The following GPR55 variants were observed in gnomAD, a reference collection of about 807,000 sequenced individuals.
GPR55 encodes G-protein coupled receptor 55.
A neutral mutation model predicts 7.9 loss-of-function variants in GPR55; 6 were observed. The observed-to-expected ratio is 0.76, with a 90% CI of 0.41 to 1.49. The LOEUF is 1.49. Among genes scored for constraint, GPR55 ranks in the 40% most tolerant of loss-of-function variants. The pLI, the probability that GPR55 is intolerant of heterozygous loss-of-function variation, is 0.01. For missense variants in GPR55, 376 were observed against 406.0 expected (o/e 0.93, Z 0.63); for synonymous variants, 183 against 166.8 (o/e 1.10, Z -0.75).
chr2:230,942,588 A>G (rs1173549059), intron 1 of GPR55, among the ~76,000 whole-genome samples: 7 of 151,030 alleles, frequency 4.6e-5, no homozygotes, highest in African/African-American at 9.7e-5. Flanking sequence ...AGGGAGGTCA[A>G]TGGCACAGGA....
In GPR55 at chr2:230,911,058, C is replaced by G; in HGVS notation, c.-96G>C. Reference sequence around the variant, plus strand: ...CTTTGTCAAGAATCACAAACACCTCCCCAGCATCACACAGCAATTCATGCC... The same window carrying G: ...CTTTGTCAAGAATCACAAACACCTCGCCAGCATCACACAGCAATTCATGCC... On this transcript the variant is annotated 5_prime_UTR_variant, in exon 2 of 2. Coordinates refer to ENST00000650999, the MANE Select transcript of GPR55 (RefSeq NM_005683.4). 8.1e-7 allele frequency: 1 copy of G among 1,241,386 alleles called. No homozygotes were observed. Among genetic ancestry groups the G allele is most frequent in the Non-Finnish European group, 1.1e-6 (1 of 881,934 alleles). 76.9% of individuals were successfully genotyped at this position (1,241,386 alleles called of 1,614,324 possible).
At position 230,910,693 on chromosome 2, in the gene GPR55, G is replaced by C; in HGVS notation, c.270C>G (p.Phe90Leu). 6.2e-7 allele frequency: 1 copy of C among 1,613,252 alleles called. No homozygotes were observed. The highest frequency in any genetic ancestry group is 8.5e-7 in the Non-Finnish European group (1 of 1,179,214). Residue 90 changes from phenylalanine (F) to leucine (L), a missense_variant, in exon 2 of 2, where the codon TTC becomes TTG. Phe to Leu is a conservative substitution (Grantham distance 22). Coordinates refer to ENST00000650999, the MANE Select transcript of GPR55 (RefSeq NM_005683.4). The surrounding 1 kb of genome is among the most constrained non-coding windows in gnomAD (Gnocchi z 5.4). ...ACTCCACCAGGGTGCACAGGGACGG[G>C]AAGGGGGACTGTACCTGGGACAGGA... ...KMVLSQVQSP[F>L]PSLCTLVECL...
At chr2:230,929,649 A>G (rs1691000409), upstream of GPR55, 2 of 152,250 alleles carry the variant, frequency 1.3e-5, no homozygotes, top group African/African-American at 4.8e-5. Context: ...GATGGCCCTG[A>G]TGGGGCTTGG....
chr2:230,956,490 C>T (rs1414754036), intron 1 of GPR55, among the ~76,000 whole-genome samples: 1 of 152,146 alleles, frequency 6.6e-6, no homozygotes, highest in Admixed American at 6.6e-5. Context: ...TTTTAAATAT[C>T]AAACTTGCAG....
chr2:230,958,835 C>T (rs1303287820), intron 1 of GPR55, among the ~76,000 whole-genome samples: 1 of 152,240 alleles, frequency 6.6e-6, no homozygotes, highest in African/African-American at 2.4e-5. Context: ...ACCATATTTT[C>T]TGAATCAGTT....
intron 1 of GPR55, among the ~76,000 whole-genome samples, chr2:230,918,926 T>A (rs915799461): frequency 2.0e-5 from 3 of 152,170 alleles, no homozygotes; most frequent in Non-Finnish European, 4.4e-5. Flanking sequence ...AGTAGGGACA[T>A]TCTTGTTGAA....
rs932539593 is a variant in GPR55, at chr2:230,943,715, TG to T, written c.-135+17059del. Among the ~76,000 whole-genome samples the T allele has an allele frequency of 5.1e-3, 770 of 151,950 alleles. 9 individuals are homozygous for T. Among genetic ancestry groups the T allele is most frequent in the African/African-American group, 0.017 (722 of 41,262 alleles). ...CATGAATGATCTTGCGCCCTCCCCTTGGTGCTGTCCTCTCAGCAGCGAGTTC... is the reference window on the plus strand; with the variant it reads ...CATGAATGATCTTGCGCCCTCCCCTTGTGCTGTCCTCTCAGCAGCGAGTTC... On this transcript the variant is annotated intron_variant, in intron 1 of 1. Transcript: ENST00000392039.
intron 1 of GPR55, among the ~76,000 whole-genome samples, chr2:230,956,731 T>A (rs1257522888): frequency 6.6e-6 from 1 of 152,182 alleles, no homozygotes; most frequent in Non-Finnish European, 1.5e-5. Context: ...ATCTGTATTT[T>A]AAAAAAATCT....
intron 1 of GPR55, among the ~76,000 whole-genome samples, chr2:230,951,861 T>A (rs577385551): frequency 3.0e-4 from 45 of 151,730 alleles, no homozygotes; most frequent in African/African-American, 1.0e-3. Context: ...TGGGCTCAGA[T>A]GATCCTCTTA....
intron 1 of GPR55, among the ~76,000 whole-genome samples, chr2:230,916,181 CT>C (rs1251649392): frequency 1.3e-5 from 2 of 151,782 alleles, no homozygotes; most frequent in Admixed American, 1.3e-4. Context: ...TGAGACCAGC[CT>C]GGGCAACATA....
At chr2:230,919,143 A>G (rs1201720106) in intron 1 of GPR55, among the ~76,000 whole-genome samples, 1 of 152,176 alleles carries the variant, frequency 6.6e-6, no homozygotes. Flanking sequence ...ATCTCAAAAG[A>G]AATTCCAAAT....
chr2:230,952,826 C>T (rs905442150), intron 1 of GPR55, among the ~76,000 whole-genome samples: 13 of 152,342 alleles, frequency 8.5e-5, no homozygotes, highest in African/African-American at 2.9e-4. Context: ...GCCCTTCTCT[C>T]TCCCCCTCCT....
chr2:230,932,052 C>T (rs183863853), intron 1 of GPR55, among the ~76,000 whole-genome samples: 84 of 152,296 alleles, frequency 5.5e-4, no homozygotes, highest in African/African-American at 1.9e-3. Flanking sequence ...AGCCTGGCCT[C>T]CAACTTCACA....
rs1473085220 is a variant in GPR55 at position 230,924,906 on chromosome 2, GA to G, written c.-135+261del. On this transcript the variant is annotated intron_variant, in intron 1 of 1. Coordinates refer to ENST00000650999, the MANE Select transcript of GPR55 (RefSeq NM_005683.4). The surrounding 1 kb of genome is among the most constrained non-coding windows in gnomAD (Gnocchi z 4.5). The stretch of plus-strand genomic sequence containing the variant: ...CTGCAACCCTGAGTCAGATCAGGAG[GA>G]AGTTGAGGGTTCGTAGAAAAATGTC... Among the ~76,000 whole-genome samples the G allele has an allele frequency of 6.6e-6, 1 of 152,134 alleles. No individual in the cohort carries two copies. Among genetic ancestry groups the G allele is most frequent in the South Asian group, 2.1e-4 (1 of 4,824 alleles).
In GPR55 at chr2:230,946,385, A is replaced by C. The variant is rs553014575; in HGVS notation, c.-135+14390T>G. Among the ~76,000 whole-genome samples, 944 of 152,352 alleles carry C rather than the reference A, an allele frequency of 6.2e-3. 9 individuals carry two copies. The highest frequency in any genetic ancestry group is 0.021 in the African/African-American group (854 of 41,574). ...GAAATGTTCTCACCACACACACACA[A>C]AAAAGATAACTGTGTGATCGATGGA... is the stretch of plus-strand genomic sequence containing the variant. On this transcript the variant is annotated intron_variant, in intron 1 of 1. Transcript: ENST00000392039.
chr2:230,937,172 T>C (rs983151689), intron 1 of GPR55, among the ~76,000 whole-genome samples: 1 of 151,734 alleles, frequency 6.6e-6, no homozygotes, highest in African/African-American at 2.4e-5. Context: ...GAGGCTGAGG[T>C]GGGAGGATTG....
chr2:230,923,683 G>A lies in GPR55; in HGVS notation c.-135+1485C>T, dbSNP rs1261105874. 1.3e-5 allele frequency among the ~76,000 whole-genome samples: 2 copies of A among 152,118 alleles called. No individual in the cohort carries two copies. Among genetic ancestry groups the A allele is most frequent in the African/African-American group, 4.8e-5 (2 of 41,420 alleles). ...GCCAGCAGTGTGCTCAGTGATCTAC[G>A]ATGGGAACTCAGGACACTCCTAGGA... On this transcript the variant is annotated intron_variant, in intron 1 of 1. Coordinates refer to ENST00000650999, the MANE Select transcript of GPR55 (RefSeq NM_005683.4). The surrounding 1 kb of genome is among the most constrained non-coding windows in gnomAD (Gnocchi z 4.1).
chr2:230,952,182 A>G (rs570311406), intron 1 of GPR55, among the ~76,000 whole-genome samples: 3 of 152,346 alleles, frequency 2.0e-5, no homozygotes, highest in Admixed American at 6.5e-5. Context: ...GCAGCAGGCC[A>G]AGGCCTATAG....
chr2:230,920,291 C>T (rs1033175787), intron 1 of GPR55, among the ~76,000 whole-genome samples: 1 of 151,998 alleles, frequency 6.6e-6, no homozygotes, highest in African/African-American at 2.4e-5. Context: ...GCAAGGTTTA[C>T]ACAAAATTAA....
Sources: gnomAD v4.1 joint callset for allele counts (sites outside exome capture counted in the v4.1 genomes callset) on GRCh38, gnomAD v4.1.1 for gene constraint, Gnocchi (gnomAD v3.1) non-coding constraint, MANE v1.5 for transcripts, NCBI Gene and HGNC (gene_info 2026-07-23, HGNC 2026-07-21) for gene names.